Variants in PTPRG observed in about 807,000 individuals in gnomAD.
PTPRG encodes receptor-type tyrosine-protein phosphatase gamma.
In PTPRG, 102 loss-of-function variants were observed where a neutral mutation model predicts 165.3. That is an observed-to-expected ratio of 0.62 (90% CI 0.53 to 0.73). The LOEUF is 0.73. PTPRG is among the 30% of genes least tolerant of loss of function. PTPRG has a pLI of 0.00. For synonymous variants in PTPRG, 675 were observed against 669.5 expected (o/e 1.01, Z -0.13); for missense variants, 1,866 against 1,861.4 (o/e 1.00, Z -0.05).
At chr3:62,056,100 C>T (rs964867462) in intron 4 of PTPRG, among the ~76,000 whole-genome samples, 8 of 152,272 alleles carry the variant, frequency 5.3e-5, no homozygotes, top group African/African-American at 1.9e-4. Flanking sequence ...GAAATACATT[C>T]GTATCCAAGA....
chr3:61,970,540 A>T (rs2107657981), intron 2 of PTPRG, among the ~76,000 whole-genome samples: 1 of 152,342 alleles, frequency 6.6e-6, no homozygotes, highest in Non-Finnish European at 1.5e-5. Flanking sequence ...TTTAGTTGTT[A>T]ATATGCAACA....
At chr3:62,180,393 G>A (rs1705599822) in intron 8 of PTPRG, among the ~76,000 whole-genome samples, 1 of 152,274 alleles carries the variant, frequency 6.6e-6, no homozygotes, top group East Asian at 1.9e-4. Flanking sequence ...ATGAAAGAAG[G>A]ACACTGGGCA....
chr3:61,984,759 A>C (rs533260536), intron 2 of PTPRG, among the ~76,000 whole-genome samples: 5 of 152,268 alleles, frequency 3.3e-5, no homozygotes, highest in African/African-American at 9.6e-5. Context: ...CCACCATTCA[A>C]TCTAGAGCAC....
At chr3:62,156,906 T>C (rs151175263) in intron 6 of PTPRG, among the ~76,000 whole-genome samples, 161 bp from the exon 7 acceptor site, 1 of 152,298 alleles carries the variant, frequency 6.6e-6, no homozygotes, top group East Asian at 1.9e-4. Context: ...CTGCTTTGTT[T>C]ACTGAGGCTC....
chr3:61,940,649 T>TTTTA (rs113689837), intron 2 of PTPRG, among the ~76,000 whole-genome samples: 32 of 140,644 alleles, frequency 2.3e-4, no homozygotes, highest in African/African-American at 4.3e-4. Flanking sequence ...CAGTAGATGC[T>TTTTA]TTTATTTATT....
chr3:62,019,268 A>G (rs1395608971), intron 4 of PTPRG, among the ~76,000 whole-genome samples: 4 of 152,184 alleles, frequency 2.6e-5, no homozygotes, highest in Non-Finnish European at 5.9e-5. Context: ...CACACTTGTA[A>G]TCCAGCACTT....
chr3:62,270,702 T>C (rs1702031254), intron 20 of PTPRG, among the ~76,000 whole-genome samples: 1 of 152,164 alleles, frequency 6.6e-6, no homozygotes, highest in African/African-American at 2.4e-5. Flanking sequence ...TTAATGACCC[T>C]GAGTCATCCA....
At chr3:61,852,297 G>C (rs975305833) in intron 2 of PTPRG, among the ~76,000 whole-genome samples, 4 of 152,114 alleles carry the variant, frequency 2.6e-5, no homozygotes, top group Non-Finnish European at 5.9e-5. Flanking sequence ...TTTATGGTCA[G>C]TTATAAAGTT....
rs2035359397 is a variant in PTPRG, at chr3:61,804,699, A to G, written c.190+55717A>G. On this transcript the variant is annotated intron_variant, in intron 2 of 29. Coordinates refer to ENST00000474889, the MANE Select transcript of PTPRG (RefSeq NM_002841.4). ...CTCTCCAAAAAAAAAAAAAAAATAAAATCTACCTTGATGTGTCAAAGAGAT... is the reference window on the plus strand; with the variant it reads ...CTCTCCAAAAAAAAAAAAAAAATAAGATCTACCTTGATGTGTCAAAGAGAT... 2.0e-5 allele frequency among the ~76,000 whole-genome samples: 3 copies of G among 152,280 alleles called. No homozygotes were observed. In the South Asian group the frequency reaches 6.2e-4, roughly 32 times the overall value.
At chr3:62,041,648 T>G (rs1700134526) in intron 4 of PTPRG, among the ~76,000 whole-genome samples, 1 of 152,176 alleles carries the variant, frequency 6.6e-6, no homozygotes, top group Non-Finnish European at 1.5e-5. Flanking sequence ...TGTGGGAGAT[T>G]ATACAGGATT....
chr3:61,746,146 T>C (rs1331534159), intron 1 of PTPRG, among the ~76,000 whole-genome samples: 3 of 150,166 alleles, frequency 2.0e-5, no homozygotes, highest in Non-Finnish European at 4.4e-5. Context: ...TGGCTCACGC[T>C]ATCGTCCCAC....
chr3:61,657,267 A>T (rs1276562346), intron 1 of PTPRG, among the ~76,000 whole-genome samples: 1 of 151,824 alleles, frequency 6.6e-6, no homozygotes, highest in Non-Finnish European at 1.5e-5. Context: ...CATGTGGAGG[A>T]CCTCTCTAGA....
intron 8 of PTPRG, among the ~76,000 whole-genome samples, chr3:62,174,481 T>G (rs146052680): frequency 9.9e-5 from 15 of 152,220 alleles, no homozygotes; most frequent in Non-Finnish European, 1.6e-4. Flanking sequence ...TAGCTATGTT[T>G]TCAATTCTAA....
In PTPRG at chr3:62,201,322, A is replaced by T. The variant is rs543273710; in HGVS notation, c.1328-183A>T. 2.0e-5 allele frequency among the ~76,000 whole-genome samples: 3 copies of T among 152,342 alleles called. No individual in the cohort carries two copies. In the East Asian group the frequency reaches 5.8e-4, roughly 29 times the overall value. On this transcript the variant is annotated intron_variant, in intron 10 of 29. Coordinates refer to ENST00000474889, the MANE Select transcript of PTPRG (RefSeq NM_002841.4). The stretch of plus-strand genomic sequence containing the variant: ...CCACAAACCAAATCTAGCTCTCCGC[A>T]TGTTTTTGTAGGACTCGTAAGCCAA...
chr3:61,915,631 C>A (rs1028606017), intron 2 of PTPRG, among the ~76,000 whole-genome samples: 2 of 152,156 alleles, frequency 1.3e-5, no homozygotes, highest in Non-Finnish European at 2.9e-5. Flanking sequence ...TTAAGCCTTG[C>A]TGAATGAGGC....
At chr3:61,612,505 C>A (rs527828339) in intron 1 of PTPRG, among the ~76,000 whole-genome samples, 1 of 152,346 alleles carries the variant, frequency 6.6e-6, no homozygotes, top group South Asian at 2.1e-4. Flanking sequence ...AATGTCAACA[C>A]TGTGAGCCCA....
At chr3:61,971,790 G>A (rs890434650) in intron 2 of PTPRG, among the ~76,000 whole-genome samples, 3 of 152,182 alleles carry the variant, frequency 2.0e-5, no homozygotes, top group Admixed American at 6.5e-5. Flanking sequence ...AATTAAACTG[G>A]TTGACATTAA....
At chr3:62,231,731 G>T (rs985148612) in intron 14 of PTPRG, among the ~76,000 whole-genome samples, 1 of 151,942 alleles carries the variant, frequency 6.6e-6, no homozygotes, top group East Asian at 1.9e-4. Context: ...ACCTAAATTT[G>T]TAGATAAGTT....
chr3:61,616,659 G>A (rs1701306177), intron 1 of PTPRG, among the ~76,000 whole-genome samples: 1 of 152,174 alleles, frequency 6.6e-6, no homozygotes, highest in Non-Finnish European at 1.5e-5. Flanking sequence ...GTACTCTTCT[G>A]CAGAATAAGG....
Sources: gnomAD v4.1 joint callset for allele counts (sites outside exome capture counted in the v4.1 genomes callset) on GRCh38, gnomAD v4.1.1 for gene constraint, MANE v1.5 for transcripts, NCBI Gene and HGNC (gene_info 2026-07-23, HGNC 2026-07-21) for gene names.